HM13: variants seen among roughly 807,000 people sequenced by gnomAD.
The protein encoded by HM13 is signal peptide peptidase.
In HM13, 18 loss-of-function variants were observed where a neutral mutation model predicts 50.0. That is an observed-to-expected ratio of 0.36 (90% CI 0.25 to 0.53). HM13 has a LOEUF of 0.53. HM13 is among the 20% of genes least tolerant of loss of function. HM13 has a pLI of 0.90. For missense variants in HM13, 393 were observed against 552.4 expected (o/e 0.71, Z 2.89); for synonymous variants, 197 against 232.6 (o/e 0.85, Z 1.39).
At chr20:31,521,728 CAAAAA>C (rs58104065) in intron 1 of HM13, among the ~76,000 whole-genome samples, 1 of 89,108 alleles carries the variant, frequency 1.1e-5, no homozygotes. Context: ...GACTCCATCT[CAAAAA>C]AAAAAAAAAA....
intron 2 of HM13, among the ~76,000 whole-genome samples, chr20:31,534,714 C>T (rs1983012303): frequency 2.0e-5 from 3 of 151,492 alleles, no homozygotes; most frequent in Admixed American, 2.0e-4. Context: ...CCCTGGAGGT[C>T]GAGGCTGCAG....
At chr20:31,543,226 C>T (rs1983539156) in intron 3 of HM13, among the ~76,000 whole-genome samples, 1 of 152,202 alleles carries the variant, frequency 6.6e-6, no homozygotes, top group African/African-American at 2.4e-5. Context: ...ATACCACAGC[C>T]CTACAGGCTA....
chr20:31,563,301 T>C (rs1035893064), intron 10 of HM13: 3 of 152,296 alleles, frequency 2.0e-5, no homozygotes, highest in African/African-American at 7.2e-5. Flanking sequence ...CCCTGTCCCA[T>C]GGGGTCCCCT....
At chr20:31,566,366 G>T in intron 11 of HM13, 71 bp downstream of exon 11, 1 of 1,265,506 alleles carries the variant, frequency 7.9e-7, no homozygotes, top group Non-Finnish European at 1.2e-6. Context: ...GGAACCTGCT[G>T]GGGGTATCTT....
intron 3 of HM13, chr20:31,538,563 C>A: frequency 7.6e-7 from 1 of 1,316,488 alleles, no homozygotes; most frequent in Middle Eastern, 2.9e-4. Context: ...AGGTGAGTAA[C>A]ACCAGTACCA....
intron 1 of HM13, 65 bp from the exon 2 acceptor site, chr20:31,527,419 C>A: frequency 8.8e-7 from 1 of 1,134,394 alleles, no homozygotes; most frequent in Non-Finnish European, 1.3e-6. Flanking sequence ...ATAGCATTAG[C>A]AGAGCCTTGC....
intron 2 of HM13, among the ~76,000 whole-genome samples, chr20:31,529,040 G>C (rs1212013976): frequency 2.6e-5 from 4 of 152,044 alleles, no homozygotes; most frequent in Non-Finnish European, 4.4e-5. Context: ...TCTCACTCTT[G>C]CCCAGCCTGG....
intron 2 of HM13, 133 bp from the exon 3 acceptor site, chr20:31,538,046 T>C: frequency 2.0e-6 from 2 of 981,758 alleles, no homozygotes; most frequent in Non-Finnish European, 1.5e-6. Flanking sequence ...ACTAGTATTG[T>C]CTGAGACTCT....
chr20:31,520,940 C>T (rs1231765729), intron 1 of HM13, among the ~76,000 whole-genome samples: 1 of 152,198 alleles, frequency 6.6e-6, no homozygotes, highest in African/African-American at 2.4e-5. Context: ...TGGCTTGAAG[C>T]AGGCATCTGT....
At chr20:31,519,006 CCT>C (rs1158962359) in intron 1 of HM13, among the ~76,000 whole-genome samples, 3 of 152,194 alleles carry the variant, frequency 2.0e-5, no homozygotes, top group Non-Finnish European at 4.4e-5. Flanking sequence ...CTATTTCCCT[CCT>C]CAGAGGCAGC....
rs539317667 is a variant in HM13 at position 31,531,572 on chromosome 20, TTTTTTTGTTG to T, written c.282+4003_282+4012del. Among the ~76,000 whole-genome samples the T allele has an allele frequency of 1.5e-4, 23 of 152,150 alleles. No individual in the cohort carries two copies. In the South Asian group the frequency reaches 3.7e-3, roughly 25 times the overall value. ...TCATTACATCCAGCTATAAATCCTC[TTTTTTTGTTG>T]TTTTTTGTTGTTGTTATTGTTTTGT... On this transcript the variant is annotated intron_variant, in intron 2 of 12. Coordinates refer to ENST00000398174, the MANE Select transcript of HM13 (RefSeq NM_178581.3).
intron 7 of HM13, among the ~76,000 whole-genome samples, chr20:31,551,720 G>A (rs1017462208): frequency 2.0e-5 from 3 of 152,204 alleles, no homozygotes; most frequent in Admixed American, 6.5e-5. Context: ...GGCTCGTGGC[G>A]ACAGGCAGTC....
At chr20:31,526,917 G>A (rs1265325038) in intron 1 of HM13, among the ~76,000 whole-genome samples, 2 of 152,184 alleles carry the variant, frequency 1.3e-5, no homozygotes, top group Non-Finnish European at 2.9e-5. Flanking sequence ...CATCACTGGT[G>A]TCCAGGTTTT....
intron 8 of HM13, among the ~76,000 whole-genome samples, chr20:31,558,130 G>T (rs983369033): frequency 6.6e-6 from 1 of 152,170 alleles, no homozygotes; most frequent in Admixed American, 6.5e-5. Flanking sequence ...TGTGTTTTGG[G>T]GTTGCTTAGG....
intron 3 of HM13, among the ~76,000 whole-genome samples, chr20:31,542,488 G>A (rs1983502816): frequency 6.6e-6 from 1 of 152,190 alleles, no homozygotes; most frequent in Admixed American, 6.5e-5. Flanking sequence ...CGTTTGACAT[G>A]AGCCATCAAG....
intron 6 of HM13, 101 bp from the exon 7 acceptor site, chr20:31,549,963 T>G: frequency 1.1e-6 from 1 of 882,364 alleles, no homozygotes; most frequent in South Asian, 1.4e-5. Flanking sequence ...CCAGCTCCCC[T>G]CAGATCCCAG....
intron 3 of HM13, 149 bp from the exon 4 acceptor site, chr20:31,544,798 C>A: frequency 1.6e-6 from 1 of 645,046 alleles, no homozygotes. Context: ...CTTTTGAGGG[C>A]CTCTGTTTTC....
intron 4 of HM13, chr20:31,548,259 CTGGAA>C (rs1479083874): frequency 2.0e-6 from 1 of 511,650 alleles, no homozygotes; most frequent in African/African-American, 1.9e-5. Context: ...TGCTAACACT[CTGGAA>C]TGTGAAAGGA....
At chr20:31,568,339 G>T (rs115178421) in intron 12 of HM13, 115 bp downstream of exon 12, 11 of 1,357,908 alleles carry the variant, frequency 8.1e-6, no homozygotes, top group Admixed American at 2.6e-5. Flanking sequence ...GGAGTAGGCC[G>T]CAAGAGCAGC....
Sources: allele counts gnomAD v4.1 joint callset (sites outside exome capture counted in the v4.1 genomes callset), GRCh38; gene constraint gnomAD v4.1.1; transcripts MANE v1.5; gene names NCBI Gene and HGNC (gene_info 2026-07-23, HGNC 2026-07-21).